The following NAALADL2 variants were observed in gnomAD, a reference collection of about 807,000 sequenced individuals.
NAALADL2 encodes the protein inactive N-acetylated-alpha-linked acidic dipeptidase-like protein 2.
NAALADL2 carries 76 observed loss-of-function variants against 87.2 expected under a neutral mutation model. The ratio of observed to expected loss-of-function variants is 0.87; its 90% CI spans 0.72 to 1.05. The LOEUF is 1.05. NAALADL2 is among the 50% of genes least tolerant of loss of function. NAALADL2 has a pLI of 0.00. For missense variants in NAALADL2, 1,089 were observed against 945.8 expected (o/e 1.15, Z -1.99); for synonymous variants, 354 against 331.0 (o/e 1.07, Z -0.75).
intron 2 of NAALADL2, among the ~76,000 whole-genome samples, chr3:174,618,412 A>C (rs1720687183): frequency 6.6e-6 from 1 of 151,768 alleles, no homozygotes; most frequent in African/African-American, 2.4e-5. Flanking sequence ...GTGGGGCCTT[A>C]ATTTTTTTTC....
At chr3:174,845,885 A>G (rs1398289921) in intron 3 of NAALADL2, among the ~76,000 whole-genome samples, 1 of 152,142 alleles carries the variant, frequency 6.6e-6, no homozygotes, top group Non-Finnish European at 1.5e-5. Flanking sequence ...TTAGGAATGG[A>G]CGAGGTTGGT....
rs566855101 is a variant in NAALADL2 at position 175,249,998 on chromosome 3, C to T, written c.820-6413C>T. 8.6e-5 allele frequency among the ~76,000 whole-genome samples: 13 copies of T among 151,974 alleles called. No homozygotes were observed. The South Asian group carries it at 1.9e-3, about 22-fold the overall frequency. ...CAGCCTAACCAACATGGAGAAACTC[C>T]GTCTATACTAAAAATGCAAAATTAG... On this transcript the variant is annotated intron_variant, in intron 3 of 13. Coordinates refer to ENST00000454872, the MANE Select transcript of NAALADL2 (RefSeq NM_207015.3).
chr3:175,015,860 A>T (rs926382571), intron 1 of NAALADL2, among the ~76,000 whole-genome samples: 1 of 152,078 alleles, frequency 6.6e-6, no homozygotes, highest in Admixed American at 6.6e-5. Context: ...TGTGTTTTAA[A>T]ACACCATATC....
At chr3:175,780,117 A>AC (rs1750827969) in intron 13 of NAALADL2, among the ~76,000 whole-genome samples, 1 of 151,762 alleles carries the variant, frequency 6.6e-6, no homozygotes, top group South Asian at 2.1e-4. Flanking sequence ...AAATACAAAA[A>AC]AAAAAAAAAT....
chr3:175,585,387 A>G (rs1720402449), intron 10 of NAALADL2, among the ~76,000 whole-genome samples: 2 of 152,170 alleles, frequency 1.3e-5, no homozygotes. Flanking sequence ...TTCATGGTGA[A>G]GTATAATGCA....
At chr3:175,062,395 T>C (rs1455061316) in intron 1 of NAALADL2, among the ~76,000 whole-genome samples, 1 of 151,412 alleles carries the variant, frequency 6.6e-6, no homozygotes, top group Non-Finnish European at 1.5e-5. Flanking sequence ...AAATTTGAAC[T>C]TGGGCTTGTG....
intron 11 of NAALADL2, among the ~76,000 whole-genome samples, chr3:175,694,839 G>A (rs572213489): frequency 1.3e-5 from 2 of 152,052 alleles, no homozygotes; most frequent in South Asian, 4.2e-4. Context: ...TTAAGAATAT[G>A]GAAACAGAAA....
intron 1 of NAALADL2, among the ~76,000 whole-genome samples, chr3:174,548,558 GA>G (rs201201410): frequency 2.0e-5 from 3 of 151,158 alleles, no homozygotes; most frequent in Admixed American, 6.6e-5. Flanking sequence ...CAGAAAAACA[GA>G]AAAAAAAATC....
At chr3:175,703,316 G>A (rs187094385) in intron 11 of NAALADL2, among the ~76,000 whole-genome samples, 22 of 152,292 alleles carry the variant, frequency 1.4e-4, no homozygotes, top group Middle Eastern at 3.4e-3. Context: ...CTATCAAACT[G>A]TCTAGGGATT....
intron 2 of NAALADL2, among the ~76,000 whole-genome samples, chr3:174,644,378 G>A (rs1358001694): frequency 1.3e-5 from 2 of 152,174 alleles, no homozygotes; most frequent in African/African-American, 2.4e-5. Context: ...AGGAAGAGAA[G>A]ATGCTTTTAC....
rs188413834 is a variant in NAALADL2 at position 174,882,420 on chromosome 3, G to A, written c.43+22970G>A. ...AACTAATATAATGTATATTGTGTAT[G>A]TGTGTTGTGTGTGTGTGTATATATG... On this transcript the variant is annotated intron_variant, in intron 1 of 13. Coordinates refer to ENST00000454872, the MANE Select transcript of NAALADL2 (RefSeq NM_207015.3). 1.1e-3 allele frequency among the ~76,000 whole-genome samples: 145 copies of A among 127,338 alleles called. 2 individuals are homozygous for A. Among genetic ancestry groups the A allele is most frequent in the Non-Finnish European group, 1.0e-3 (64 of 61,980 alleles). 83.5% of individuals were successfully genotyped at this position (127,338 alleles called of 152,430 possible). A position where few individuals can be genotyped will look rare whatever the true frequency, so the allele number is the denominator to read the frequency against.
chr3:174,544,733 G>A (rs368360787), intron 1 of NAALADL2, among the ~76,000 whole-genome samples: 13 of 151,716 alleles, frequency 8.6e-5, no homozygotes, highest in South Asian at 6.3e-4. Flanking sequence ...ACCACACCCA[G>A]CTAATTTTTG....
At chr3:175,069,927 C>T (rs1214154758) in intron 1 of NAALADL2, among the ~76,000 whole-genome samples, 10 of 149,068 alleles carry the variant, frequency 6.7e-5, no homozygotes, top group African/African-American at 2.5e-4. Context: ...AAACCAAACA[C>T]CGCATATTCT....
chr3:174,835,418 G>A (rs975200814), intron 3 of NAALADL2, among the ~76,000 whole-genome samples: 3 of 151,964 alleles, frequency 2.0e-5, no homozygotes, highest in South Asian at 4.1e-4. Flanking sequence ...AGAAAACATA[G>A]GGAAATGCCT....
intron 1 of NAALADL2, among the ~76,000 whole-genome samples, chr3:174,991,761 C>A (rs1189281521): frequency 6.6e-6 from 1 of 152,032 alleles, no homozygotes; most frequent in Non-Finnish European, 1.5e-5. Context: ...ATGATCTTTA[C>A]TATTAGTATT....
intron 5 of NAALADL2, among the ~76,000 whole-genome samples, chr3:175,372,452 C>T (rs966354857): frequency 6.6e-6 from 1 of 152,120 alleles, no homozygotes; most frequent in Non-Finnish European, 1.5e-5. Context: ...TCGAATGAAG[C>T]GTTGGTGTTA....
intron 11 of NAALADL2, among the ~76,000 whole-genome samples, chr3:175,657,963 A>G (rs1050858428): frequency 4.6e-5 from 7 of 151,798 alleles, no homozygotes; most frequent in African/African-American, 1.7e-4. Context: ...ACTTAATCTA[A>G]TATGTATGTG....
At chr3:175,673,981 T>G (rs1734368795) in intron 11 of NAALADL2, among the ~76,000 whole-genome samples, 1 of 152,020 alleles carries the variant, frequency 6.6e-6, no homozygotes, top group Admixed American at 6.6e-5. Context: ...TAAGATACAT[T>G]GGTTTTCAAA....
At position 174,544,851 on chromosome 3, in the gene NAALADL2, G is replaced by A. The variant is rs1722590627; in HGVS notation, c.-183-5718G>A. On this transcript the variant is annotated intron_variant, in intron 1 of 3. Transcript: ENST00000434257. ...CCGAAAGTGCTGGGATTACAGATGT[G>A]AGCCACCACACCTAGCCTCAATTTT... Among the ~76,000 whole-genome samples, 9 of 151,788 alleles carry A rather than the reference G, an allele frequency of 5.9e-5. 1 individual carries two copies. In the South Asian group the frequency reaches 1.9e-3, roughly 32 times the overall value.
Sources: allele counts gnomAD v4.1 joint callset (sites outside exome capture counted in the v4.1 genomes callset), GRCh38; gene constraint gnomAD v4.1.1; transcripts MANE v1.5; gene names NCBI Gene and HGNC (gene_info 2026-07-23, HGNC 2026-07-21).